Variants in ASIC2 observed in about 807,000 individuals in gnomAD.
ASIC2 encodes the protein acid sensing ion channel subunit 2.
ASIC2 carries 25 observed loss-of-function variants against 57.3 expected under a neutral mutation model. The ratio of observed to expected loss-of-function variants is 0.44; its 90% confidence interval spans 0.32 to 0.61. ASIC2 has a LOEUF of 0.61. Ranked by LOEUF, ASIC2 falls within the 20% of genes least tolerant of loss-of-function variation. The pLI is 0.06. For synonymous variants in ASIC2, 319 were observed against 307.5 expected, an observed-to-expected ratio of 1.04 and a Z score of -0.39; for missense variants, 641 against 738.1, an observed-to-expected ratio of 0.87 and a Z score of 1.52.
chr17:33,101,112 G>A (rs8070997), intron 2 of ASIC2, among the ~76,000 whole-genome samples: 136,047 of 152,144 alleles, frequency 0.89, 60,849 homozygotes, highest in Middle Eastern at 0.94. Flanking sequence ...CTGGACACTC[G>A]GAACTCAGGC....
At chr17:33,995,442 C>T (rs1257751532) in intron 1 of ASIC2, among the ~76,000 whole-genome samples, 1 of 152,084 alleles carries the variant, frequency 6.6e-6, no homozygotes, top group African/African-American at 2.4e-5. Context: ...ACCCTGGCTC[C>T]TTCCATAATG....
intron 1 of ASIC2, among the ~76,000 whole-genome samples, chr17:33,672,634 T>TTTA (rs1416805256): frequency 6.6e-6 from 1 of 152,190 alleles, no homozygotes; most frequent in Non-Finnish European, 1.5e-5. Context: ...ATTCTTCCAA[T>TTTA]TTTTAAGTGT....
chr17:33,786,339 G>C (rs1911599752), intron 1 of ASIC2, among the ~76,000 whole-genome samples: 1 of 152,026 alleles, frequency 6.6e-6, no homozygotes, highest in African/African-American at 2.4e-5. Flanking sequence ...GAGTGGGAAG[G>C]GTGACCTTGA....
intron 1 of ASIC2, among the ~76,000 whole-genome samples, chr17:34,066,762 C>G (rs1436559985): frequency 6.6e-6 from 1 of 152,096 alleles, no homozygotes; most frequent in East Asian, 1.9e-4. Context: ...TACAGAAGGG[C>G]CAAAGTGGAC....
chr17:33,111,794 T>C, intron 2 of ASIC2, 123 bp downstream of exon 2: 3 of 1,380,438 alleles, frequency 2.2e-6, no homozygotes, highest in South Asian at 3.0e-5. Flanking sequence ...TAGCAGCATG[T>C]CACAAACCCC....
rs189431652 is a variant in ASIC2 at position 33,816,297 on chromosome 17, T to C, written c.555+339681A>G. ...ATGTTCCAAAATGCGGAGGTGAAGA[T>C]GAATGGAGGGAAAAAGGGGATGGAT... On this transcript the variant is annotated intron_variant, in intron 1 of 9. Transcript: ENST00000359872. 3.7e-3 allele frequency among the ~76,000 whole-genome samples: 558 copies of C among 151,862 alleles called. 2 individuals carry two copies. Among genetic ancestry groups the C allele is most frequent in the Non-Finnish European group, 4.8e-3 (325 of 67,938 alleles).
intron 1 of ASIC2, among the ~76,000 whole-genome samples, chr17:33,261,833 G>C (rs1371748762): frequency 6.8e-6 from 1 of 146,886 alleles, no homozygotes; most frequent in Non-Finnish European, 1.5e-5. Context: ...AACGTGGGGG[G>C]TGCTGGCTGC....
rs1379137983 is a variant in ASIC2, at chr17:34,147,535, T to C, written c.555+8443A>G. On this transcript the variant is annotated intron_variant, in intron 1 of 9. Coordinates refer to the ASIC2 transcript ENST00000359872. ...AGGCTTTTATCAGAGAATTTCAATT[T>C]ATCAAATAATAACCATGTAGTATTT... Among the ~76,000 whole-genome samples the C allele has an allele frequency of 2.0e-5, 3 of 152,306 alleles. No homozygotes were observed. The East Asian group carries it at 5.8e-4, about 29-fold the overall frequency.
At chr17:34,098,832 G>A (rs1910638864) in intron 1 of ASIC2, among the ~76,000 whole-genome samples, 1 of 151,904 alleles carries the variant, frequency 6.6e-6, no homozygotes, top group Non-Finnish European at 1.5e-5. Flanking sequence ...GTGATTTCTG[G>A]GAATGCACGG....
intron 1 of ASIC2, among the ~76,000 whole-genome samples, chr17:33,683,233 A>G (rs1003988985): frequency 6.6e-6 from 1 of 152,088 alleles, no homozygotes; most frequent in African/African-American, 2.4e-5. Flanking sequence ...ACGCCCAGCT[A>G]AATTTTTGTA....
intron 1 of ASIC2, among the ~76,000 whole-genome samples, chr17:33,125,642 T>C (rs8077201): frequency 0.85 from 128,947 of 152,288 alleles, 55,079 homozygotes; most frequent in African/African-American, 0.92. Flanking sequence ...GAAGATAAAA[T>C]AGCTTAAGAT....
intron 1 of ASIC2, among the ~76,000 whole-genome samples, chr17:34,108,300 G>A (rs1911138862): frequency 6.6e-6 from 1 of 151,968 alleles, no homozygotes; most frequent in African/African-American, 2.4e-5. Flanking sequence ...TTATATAGTT[G>A]TAGGTGCTCC....
intron 1 of ASIC2, among the ~76,000 whole-genome samples, chr17:33,267,855 C>T (rs140108011): frequency 4.7e-4 from 72 of 152,224 alleles, no homozygotes; most frequent in African/African-American, 1.7e-3. Flanking sequence ...CCTGGTGTTT[C>T]CTTGAGGGAA....
At chr17:34,084,436 T>C (rs1371832183) in intron 1 of ASIC2, among the ~76,000 whole-genome samples, 1 of 152,264 alleles carries the variant, frequency 6.6e-6, no homozygotes, top group Non-Finnish European at 1.5e-5. Flanking sequence ...CATGCTGTTT[T>C]GGTTACTGTA....
At chr17:34,145,981 T>A (rs1054552772) in intron 1 of ASIC2, among the ~76,000 whole-genome samples, 1 of 152,194 alleles carries the variant, frequency 6.6e-6, no homozygotes, top group Admixed American at 6.5e-5. Context: ...GAGAGCAAAC[T>A]TAGGAAATGA....
Position 33,302,639 on chromosome 17 carries a change from G to A in ASIC2, c.556-190572C>T, listed in dbSNP as rs574299460. On this transcript the variant is annotated intron_variant, in intron 1 of 9. Transcript: ENST00000359872. Reference sequence around the variant, plus strand: ...CTCTCTTTCCCTTGTAAAAGACCTGGCCAAACCACTTCCTCTGGTTTCTCT... The same window carrying A: ...CTCTCTTTCCCTTGTAAAAGACCTGACCAAACCACTTCCTCTGGTTTCTCT... Among the ~76,000 whole-genome samples the A allele has an allele frequency of 5.3e-5, 8 of 152,258 alleles. No homozygotes were observed. In the East Asian group the frequency reaches 1.4e-3, roughly 26 times the overall value.
intron 1 of ASIC2, among the ~76,000 whole-genome samples, chr17:33,877,821 T>C (rs972767146): frequency 3.9e-5 from 6 of 152,154 alleles, no homozygotes; most frequent in African/African-American, 1.2e-4. Flanking sequence ...TCAAGTGGGT[T>C]CCTGACCCCC....
intron 1 of ASIC2, among the ~76,000 whole-genome samples, chr17:33,679,479 C>A (rs1907933409): frequency 6.6e-6 from 1 of 152,162 alleles, no homozygotes; most frequent in Non-Finnish European, 1.5e-5. Flanking sequence ...GGGGGCCTAC[C>A]TTGTACTGGG....
At chr17:33,039,297 G>A (rs990386507) in intron 3 of ASIC2, among the ~76,000 whole-genome samples, 10 of 152,168 alleles carry the variant, frequency 6.6e-5, no homozygotes, top group African/African-American at 2.4e-4. Flanking sequence ...TATCCCTGAG[G>A]GTTCCTGCCC....
Sources: gnomAD v4.1 joint callset for allele counts (sites outside exome capture counted in the v4.1 genomes callset) on GRCh38, gnomAD v4.1.1 for gene constraint, MANE v1.5 for transcripts, NCBI Gene and HGNC (gene_info 2026-07-23, HGNC 2026-07-21) for gene names.